Variants in MAGI2 observed in about 807,000 individuals in gnomAD.
MAGI2 encodes membrane associated guanylate kinase, WW and PDZ domain containing 2.
A neutral mutation model predicts 133.3 loss-of-function variants in MAGI2; 35 were observed. The ratio of observed to expected loss-of-function variants is 0.26; its 90% CI spans 0.20 to 0.35. The LOEUF is 0.35. Among genes scored for constraint, MAGI2 ranks in the 10% least tolerant of loss-of-function variants. The pLI is 1.00. For missense variants in MAGI2, 1,636 were observed against 1,863.4 expected, an observed-to-expected ratio of 0.88 and a Z score of 2.25; for synonymous variants, 729 against 710.6, an observed-to-expected ratio of 1.03 and a Z score of -0.41.
intron 1 of MAGI2, among the ~76,000 whole-genome samples, chr7:79,307,009 T>C (rs1011285056): frequency 6.6e-6 from 1 of 152,144 alleles, no homozygotes. Context: ...TTTTGTATTT[T>C]TACTGCTCTA....
chr7:78,378,127 A>G (rs1000700695), intron 6 of MAGI2, among the ~76,000 whole-genome samples: 4 of 152,070 alleles, frequency 2.6e-5, no homozygotes, highest in African/African-American at 9.7e-5. Flanking sequence ...AAATGACCAA[A>G]TTACAAACTG....
At chr7:78,228,782 TAAGAA>T (rs1424664875) in intron 10 of MAGI2, among the ~76,000 whole-genome samples, 2 of 152,140 alleles carry the variant, frequency 1.3e-5, no homozygotes, top group East Asian at 1.9e-4. Flanking sequence ...AAAATGTAAA[TAAGAA>T]AAGATCTTTA....
intron 3 of MAGI2, among the ~76,000 whole-genome samples, chr7:78,533,619 A>G (rs1329914220): frequency 3.3e-5 from 5 of 152,214 alleles, no homozygotes; most frequent in Non-Finnish European, 5.9e-5. Context: ...GAGGACTTGA[A>G]ATGTGGCTAG....
rs76550396 is a variant in MAGI2 at position 78,267,261 on chromosome 7, G to A, written c.1409-10680C>T. Among the ~76,000 whole-genome samples, 864 of 152,300 alleles carry A rather than the reference G, an allele frequency of 5.7e-3. 5 individuals are homozygous for A. The highest frequency in any genetic ancestry group is 0.02 in the African/African-American group (814 of 41,554). On this transcript the variant is annotated intron_variant, in intron 9 of 21. Transcript: ENST00000354212. ...GAATATTTCTCCCATATGGATTTCA[G>A]AAGTGCTGCAGCATTAAGTTGCTGA... is the stretch of plus-strand genomic sequence containing the variant.
intron 1 of MAGI2, among the ~76,000 whole-genome samples, chr7:79,090,147 C>A (rs1816924037): frequency 6.6e-6 from 1 of 151,856 alleles, no homozygotes; most frequent in South Asian, 2.1e-4. Context: ...TGATATTTTT[C>A]ATGTTCAATC....
At chr7:78,504,166 G>C (rs1410871434) in intron 4 of MAGI2, among the ~76,000 whole-genome samples, 1 of 152,144 alleles carries the variant, frequency 6.6e-6, no homozygotes, top group Admixed American at 6.5e-5. Context: ...GTGGAGAAAA[G>C]GTAGGAAAAT....
chr7:78,184,423 CTT>C (rs1331326800), intron 13 of MAGI2: 1 of 152,112 alleles, frequency 6.6e-6, no homozygotes, highest in Non-Finnish European at 1.5e-5. Context: ...GACATGGAAA[CTT>C]ACAGAATGAA....
chr7:78,889,187 T>C (rs1269716237), intron 2 of MAGI2, among the ~76,000 whole-genome samples: 4 of 150,980 alleles, frequency 2.6e-5, no homozygotes, highest in African/African-American at 9.9e-5. Flanking sequence ...GAAAAAAGAA[T>C]AAAAAGAAAT....
At chr7:78,790,684 TG>T (rs1827176858) in intron 2 of MAGI2, among the ~76,000 whole-genome samples, 1 of 152,152 alleles carries the variant, frequency 6.6e-6, no homozygotes, top group African/African-American at 2.4e-5. Context: ...TCCACCTGCC[TG>T]GGTCTCCCAA....
chr7:79,262,716 T>A (rs182143337), intron 1 of MAGI2, among the ~76,000 whole-genome samples: 1 of 152,212 alleles, frequency 6.6e-6, no homozygotes, highest in Non-Finnish European at 1.5e-5. Context: ...TTATGTGACA[T>A]GCATAACTTA....
intron 2 of MAGI2, among the ~76,000 whole-genome samples, chr7:78,756,774 C>G (rs1224240811): frequency 6.6e-6 from 1 of 152,166 alleles, no homozygotes; most frequent in Admixed American, 6.5e-5. Context: ...TTCTTACCCA[C>G]CCAGCTTGAA....
intron 10 of MAGI2, among the ~76,000 whole-genome samples, chr7:78,219,298 C>T (rs763496391): frequency 3.5e-4 from 53 of 152,184 alleles, no homozygotes; most frequent in Admixed American, 5.9e-4. Flanking sequence ...TCTCTCTCAA[C>T]GATTCCCTCA....
Position 78,829,382 on chromosome 7 carries a change from G to A in MAGI2, c.418+177708C>T, listed in dbSNP as rs74955070. Among the ~76,000 whole-genome samples, 925 of 152,054 alleles carry A rather than the reference G, an allele frequency of 6.1e-3. 9 individuals carry two copies. Among genetic ancestry groups the A allele is most frequent in the African/African-American group, 0.021 (879 of 41,512 alleles). ...TTGAAATTTTTGAATTGAAGTTCAT[G>A]ATACAGTAAATCTTTGTGAACCTTT... On this transcript the variant is annotated intron_variant, in intron 2 of 21. Coordinates refer to ENST00000354212, the MANE Select transcript of MAGI2 (RefSeq NM_012301.4).
intron 1 of MAGI2, among the ~76,000 whole-genome samples, chr7:79,268,362 C>CT (rs1272912727): frequency 3.3e-5 from 5 of 152,096 alleles, no homozygotes; most frequent in African/African-American, 1.2e-4. Flanking sequence ...ATAAACAGAA[C>CT]TTATATAGTT....
rs567867554 is a variant in MAGI2, at chr7:78,382,576, T to C, written c.1046-13363A>G. On this transcript the variant is annotated intron_variant, in intron 6 of 21. Transcript: ENST00000354212. ...TATTTATTTGTGCAAACTTATGGCA[T>C]ACACAAGAAATTTTGTTACACGTAT... 5.3e-5 allele frequency among the ~76,000 whole-genome samples: 8 copies of C among 152,198 alleles called. No individual in the cohort carries two copies. In the South Asian group the frequency reaches 1.2e-3, roughly 24 times the overall value.
At chr7:78,552,429 C>T (rs980789002) in intron 3 of MAGI2, among the ~76,000 whole-genome samples, 8 of 150,732 alleles carry the variant, frequency 5.3e-5, no homozygotes, top group Admixed American at 6.6e-5. Context: ...GTGATCTGCC[C>T]GCCTCGGCCT....
intron 2 of MAGI2, among the ~76,000 whole-genome samples, chr7:78,972,312 C>A (rs1171674403): frequency 2.6e-5 from 4 of 151,804 alleles, no homozygotes; most frequent in Non-Finnish European, 5.9e-5. Flanking sequence ...ATATTTCCTT[C>A]CTTACTATCA....
At chr7:78,891,290 AC>A (rs1472728681) in intron 2 of MAGI2, among the ~76,000 whole-genome samples, 1 of 152,228 alleles carries the variant, frequency 6.6e-6, no homozygotes, top group Non-Finnish European at 1.5e-5. Context: ...GCCTAATTCT[AC>A]CAAAGGTACA....
intron 1 of MAGI2, among the ~76,000 whole-genome samples, chr7:79,419,148 T>C (rs1368593764): frequency 6.6e-6 from 1 of 152,052 alleles, no homozygotes; most frequent in Non-Finnish European, 1.5e-5. Flanking sequence ...TGAATAACAA[T>C]AATTCAATTT....
Sources: gnomAD v4.1 joint callset for allele counts (sites outside exome capture counted in the v4.1 genomes callset) on GRCh38, gnomAD v4.1.1 for gene constraint, MANE v1.5 for transcripts, NCBI Gene and HGNC (gene_info 2026-07-23, HGNC 2026-07-21) for gene names.